PTCD3: variants seen among roughly 807,000 people sequenced by gnomAD.
PTCD3 encodes the protein pentatricopeptide repeat domain 3.
In PTCD3, 89 loss-of-function variants were observed where a neutral mutation model predicts 101.9. That is an observed-to-expected ratio of 0.87 (90% confidence interval 0.74 to 1.04). The LOEUF (loss-of-function observed/expected upper bound fraction) is 1.04. Among genes scored for constraint, PTCD3 ranks in the 50% least tolerant of loss-of-function variants. The pLI is 0.00. For missense variants in PTCD3, 870 were observed against 828.2 expected, an observed-to-expected ratio of 1.05 and a Z score of -0.62; for synonymous variants, 296 against 278.5, an observed-to-expected ratio of 1.06 and a Z score of -0.63.
Position 86,125,068 on chromosome 2 carries a change from C to G in PTCD3, c.790C>G (p.Arg264Gly), listed in dbSNP as rs772775803. ...TGAACATTCCTATTGCACAATGATC[C>G]GAGGAATGGTGAAGGTACATTTGTT... ...KNEHSYCTMIRGMVKHRAYEQ... is the reference protein window; with the variant it reads ...KNEHSYCTMIGGMVKHRAYEQ... Residue 264 changes from arginine to glycine, a missense_variant, in exon 10 of 24, where the codon CGA (arginine) becomes GGA (glycine). Coordinates refer to ENST00000254630, the MANE Select transcript of PTCD3 (RefSeq NM_017952.6). 1 of 1,613,828 alleles carries G rather than the reference C, an allele frequency of 6.2e-7. No individual in the cohort carries two copies. The highest frequency in any genetic ancestry group is 1.1e-5 in the South Asian group (1 of 91,010).
chr2:86,139,425 A>C lies in PTCD3; in HGVS notation c.*1866A>C. 1 of 152,368 alleles carries C rather than the reference A, an allele frequency of 6.6e-6. No homozygotes were observed. The highest frequency in any genetic ancestry group is 1.5e-5 in the Non-Finnish European group (1 of 68,166). 9.4% of individuals were successfully genotyped at this position (152,368 alleles called of 1,614,324 possible). ...TGGGAGGATTGTTTGAGCCTAGGAG[A>C]GGGAGGTTGCAGTGAGCCGTGATTG... On this transcript the variant is annotated 3_prime_UTR_variant, in exon 24 of 24. Coordinates refer to ENST00000254630, the MANE Select transcript of PTCD3 (RefSeq NM_017952.6).
chr2:86,120,855 G>A (rs1328173818), intron 7 of PTCD3, among the ~76,000 whole-genome samples: 2 of 152,152 alleles, frequency 1.3e-5, no homozygotes, highest in Non-Finnish European at 2.9e-5. Context: ...TGATGTCCTT[G>A]CACTCCAGCC....
intron 4 of PTCD3, among the ~76,000 whole-genome samples, chr2:86,114,209 A>T (rs1674140147): frequency 6.6e-6 from 1 of 152,230 alleles, no homozygotes; most frequent in African/African-American, 2.4e-5. Flanking sequence ...GATATTGTGT[A>T]GTTCTAGAGG....
rs1674281632 is a variant in PTCD3, at chr2:86,121,554, C to G, written c.614C>G (p.Thr205Ser). ...TACTATGGTGACCAGGAGCCCTCAA[C>G]TGATTACCATTTTCAACAAACTGGA... ...LCYYGDQEPS[T>S]DYHFQQTGQS... The change falls in exon 8 of 24, where the codon ACT becomes AGT. Residue 205 changes from threonine to serine, a missense_variant. Thr to Ser is a moderately conservative substitution (Grantham distance 58, BLOSUM62 1). Transcript: ENST00000254630. 6.2e-7 allele frequency: 1 copy of G among 1,611,126 alleles called. No individual in the cohort carries two copies. The highest frequency in any genetic ancestry group is 8.5e-7 in the Non-Finnish European group (1 of 1,178,772).
At chr2:86,127,369 C>T in intron 13 of PTCD3, 64 bp downstream of exon 13, 1 of 1,502,578 alleles carries the variant, frequency 6.7e-7, no homozygotes, top group South Asian at 1.3e-5. Flanking sequence ...TTCAGGGCTA[C>T]ATAAGCAAAG....
chr2:86,121,618 T>C (rs1674284014), intron 8 of PTCD3, 24 bp downstream of exon 8: 3 of 1,464,152 alleles, frequency 2.0e-6, no homozygotes, highest in Non-Finnish European at 2.8e-6. Flanking sequence ...GCCTTGATTT[T>C]TTTTTTTCCT....
chr2:86,112,681 C>CAAAAAAAAAAAAAAAAAAAAAAA (rs397953846), intron 4 of PTCD3, among the ~76,000 whole-genome samples: 1 of 81,310 alleles, frequency 1.2e-5, no homozygotes, highest in Non-Finnish European at 2.5e-5. Flanking sequence ...GACTCTGTCT[C>CAAAAAAAAAAAAAAAAAAAAAAA]AAAAAAAAAA....
intron 14 of PTCD3, 52 bp downstream of exon 14, chr2:86,128,043 C>T: frequency 7.1e-7 from 1 of 1,399,852 alleles, no homozygotes; most frequent in Non-Finnish European, 1.0e-6. Context: ...GACCAGCTTT[C>T]TTGAGTTTAT....
Position 86,123,610 on chromosome 2 carries a change from T to C in PTCD3, c.655-91T>C, listed in dbSNP as rs1558797176. On this transcript the variant is annotated intron_variant, in intron 8 of 23. Transcript: ENST00000254630. ...TCTATGTTTCCTTTATTTTTCTGAG[T>C]TCCCTTTGCCTTTCTGATTTTGAGT... 5 of 947,838 alleles carry C rather than the reference T, an allele frequency of 5.3e-6. No individual in the cohort carries two copies. In the East Asian group the frequency reaches 1.3e-4, roughly 25 times the overall value. 58.7% of individuals were successfully genotyped at this position (947,838 alleles called of 1,614,324 possible). A position where few individuals can be genotyped will look rare whatever the true frequency, so the allele number is the denominator to read the frequency against.
At chr2:86,116,428 T>C in intron 4 of PTCD3, 102 bp from the exon 5 acceptor site, 1 of 968,622 alleles carries the variant, frequency 1.0e-6, no homozygotes, top group Non-Finnish European at 1.6e-6. Context: ...CCTAGGCTAC[T>C]TGGGAGGCTG....
In PTCD3 at chr2:86,106,266, G is replaced by T. The variant is rs1465422488; in HGVS notation, c.19G>T (p.Val7Phe). The stretch of plus-strand genomic sequence containing the variant: ...ATCAAAGATGGCGGTTGTATCTGCT[G>T]TTCGCTGGCTGGGCCTCCGCAGCAG... Reference protein sequence around the residue: MAVVSAVRWLGLRSRLG... With the variant: MAVVSAFRWLGLRSRLG... Residue 7 changes from valine to phenylalanine, a missense_variant, in exon 1 of 24, where the codon GTT (valine) becomes TTT (phenylalanine). Coordinates refer to ENST00000254630, the MANE Select transcript of PTCD3 (RefSeq NM_017952.6). 6.2e-7 allele frequency: 1 copy of T among 1,614,152 alleles called. No individual in the cohort carries two copies. The highest frequency in any genetic ancestry group is 1.7e-5 in the Admixed American group (1 of 60,034).
Position 86,138,484 on chromosome 2 carries a change from T to C in PTCD3, c.*925T>C, listed in dbSNP as rs11395. 0.37 allele frequency: 56,384 copies of C among 152,088 alleles called. 12,900 individuals carry two copies. The highest frequency in any genetic ancestry group is 0.51 in the Non-Finnish European group (34,776 of 67,970). The allele number at this position is 152,088 out of a possible 1,614,324, so 9.4% of individuals were successfully genotyped here. ...AGATTTACTTAGGTACCCCACGAGTTGTCCACATAAGCAGCTTCATCTTTA... is the reference window on the plus strand; with the variant it reads ...AGATTTACTTAGGTACCCCACGAGTCGTCCACATAAGCAGCTTCATCTTTA... On this transcript the variant is annotated 3_prime_UTR_variant, in exon 24 of 24. Transcript: ENST00000254630.
At chr2:86,133,280 T>C in intron 18 of PTCD3, 24 bp downstream of exon 18, 2 of 1,613,972 alleles carry the variant, frequency 1.2e-6, no homozygotes, top group Non-Finnish European at 1.7e-6. Context: ...TTACTTGTTA[T>C]TTATCATTCT....
At chr2:86,108,034 G>A (rs537684774) in intron 1 of PTCD3, among the ~76,000 whole-genome samples, 16 of 152,182 alleles carry the variant, frequency 1.1e-4, no homozygotes, top group African/African-American at 3.6e-4. Context: ...GCTGAAGCAG[G>A]AGGGTCACTT....
chr2:86,124,120 T>G (rs913013225), intron 9 of PTCD3, among the ~76,000 whole-genome samples: 18 of 152,212 alleles, frequency 1.2e-4, no homozygotes, highest in African/African-American at 4.3e-4. Context: ...AAAAATATCA[T>G]GGACACTAGA....
chr2:86,131,948 A>G (rs549822596), intron 16 of PTCD3, among the ~76,000 whole-genome samples: 1 of 152,284 alleles, frequency 6.6e-6, no homozygotes, highest in African/African-American at 2.4e-5. Context: ...AGGGTGTTTT[A>G]TTTGTTGGCA....
chr2:86,118,926 A>G lies in PTCD3; in HGVS notation c.420A>G (p.Leu140=). ...TAGTCATCTTGTTTTCCTAGTGTTT[A>G]ATGCCTGAGTACTTTGAACCTCAGA... is the stretch of plus-strand genomic sequence containing the variant. ...KDIAEPHIPC[L]MPEYFEPQIK... The change falls in exon 7 of 24, where the codon TTA becomes TTG. Residue 140 remains leucine, a synonymous_variant. Transcript: ENST00000254630. 6.2e-7 allele frequency: 1 copy of G among 1,612,274 alleles called. No individual in the cohort carries two copies. The highest frequency in any genetic ancestry group is 8.5e-7 in the Non-Finnish European group (1 of 1,179,506).
intron 1 of PTCD3, chr2:86,107,210 G>A (rs1673974436): frequency 2.1e-6 from 1 of 471,178 alleles, no homozygotes. Context: ...GGTAGCCATC[G>A]TTAGCATTTT....
chr2:86,107,055 A>G, intron 1 of PTCD3: 1 of 456,242 alleles, frequency 2.2e-6, no homozygotes, highest in Admixed American at 2.4e-5. Context: ...CCATCCGAAA[A>G]GTTTGTGAGG....
Sources: allele counts gnomAD v4.1 joint callset (sites outside exome capture counted in the v4.1 genomes callset), GRCh38; gene constraint gnomAD v4.1.1; transcripts MANE v1.5; gene names NCBI Gene and HGNC (gene_info 2026-07-23, HGNC 2026-07-21).